The following CACNA2D1 variants were observed in gnomAD, a reference collection of about 807,000 sequenced individuals.
The protein encoded by CACNA2D1 is voltage-dependent calcium channel subunit alpha-2/delta-1.
CACNA2D1 carries 53 observed loss-of-function variants against 171.5 expected under a neutral mutation model. The observed-to-expected ratio is 0.31, with a 90% CI of 0.25 to 0.39. The LOEUF is 0.39. CACNA2D1 is among the 10% of genes least tolerant of loss of function. The pLI is 1.00. For synonymous variants in CACNA2D1, 442 were observed against 443.1 expected (o/e 1.00, Z 0.03); for missense variants, 903 against 1,299.8 (o/e 0.69, Z 4.69).
At chr7:82,030,262 AT>A (rs745674136) in intron 12 of CACNA2D1, among the ~76,000 whole-genome samples, 23 of 151,888 alleles carry the variant, frequency 1.5e-4, no homozygotes, top group Admixed American at 2.6e-4. Flanking sequence ...CAACTGAACA[AT>A]TTGTGAAAAT....
intron 3 of CACNA2D1, among the ~76,000 whole-genome samples, chr7:82,287,992 G>A (rs941113938): frequency 1.3e-4 from 15 of 112,194 alleles, no homozygotes; most frequent in African/African-American, 1.3e-4. Flanking sequence ...CACCATGCCC[G>A]GCTAATTTTT....
intron 3 of CACNA2D1, 61 bp from the exon 4 acceptor site, chr7:82,170,670 A>ACT (rs1584989909): frequency 6.9e-7 from 1 of 1,448,714 alleles, no homozygotes; most frequent in East Asian, 2.3e-5. Context: ...ATTGTTATAT[A>ACT]AAATGCTTGC....
intron 3 of CACNA2D1, among the ~76,000 whole-genome samples, chr7:82,233,792 A>G (rs892592530): frequency 6.6e-6 from 1 of 152,108 alleles, no homozygotes; most frequent in African/African-American, 2.4e-5. Context: ...TTAGTTCACT[A>G]CCATCTGTTT....
intron 14 of CACNA2D1, 68 bp downstream of exon 14, chr7:82,013,393 C>A: frequency 4.9e-6 from 3 of 612,138 alleles, no homozygotes; most frequent in South Asian, 5.6e-5. Flanking sequence ...CCATATTGAG[C>A]ATATTTAAAC....
chr7:82,392,269 T>C (rs779219501), intron 1 of CACNA2D1, among the ~76,000 whole-genome samples: 13 of 152,174 alleles, frequency 8.5e-5, no homozygotes, highest in South Asian at 2.1e-4. Context: ...TCCCCCATTA[T>C]GAGCTCATAA....
At chr7:82,253,082 G>C (rs189869423) in intron 3 of CACNA2D1, among the ~76,000 whole-genome samples, 2 of 152,294 alleles carry the variant, frequency 1.3e-5, no homozygotes, top group Non-Finnish European at 2.9e-5. Context: ...AACATTCAGG[G>C]AAATGGAAGT....
chr7:82,346,877 A>G (rs908969846), intron 2 of CACNA2D1, among the ~76,000 whole-genome samples: 1 of 152,228 alleles, frequency 6.6e-6, no homozygotes, highest in Non-Finnish European at 1.5e-5. Flanking sequence ...TGCTATTAAC[A>G]TATGTTCTAA....
intron 3 of CACNA2D1, among the ~76,000 whole-genome samples, chr7:82,316,766 G>T (rs1815176655): frequency 6.6e-6 from 1 of 152,150 alleles, no homozygotes; most frequent in African/African-American, 2.4e-5. Flanking sequence ...AGAAGCAAAG[G>T]CATGCCTTAC....
intron 3 of CACNA2D1, among the ~76,000 whole-genome samples, chr7:82,197,844 A>G (rs914002281): frequency 1.3e-5 from 2 of 151,946 alleles, no homozygotes; most frequent in African/African-American, 4.8e-5. Context: ...TGTTTTAATT[A>G]TATCTTATCT....
chr7:82,269,430 G>A (rs1808337249), intron 3 of CACNA2D1, among the ~76,000 whole-genome samples: 1 of 152,060 alleles, frequency 6.6e-6, no homozygotes, highest in Admixed American at 6.5e-5. Context: ...CCAGCCTCAT[G>A]TCTCACCATT....
chr7:81,966,460 T>C (rs564325709), intron 31 of CACNA2D1, among the ~76,000 whole-genome samples: 2 of 151,618 alleles, frequency 1.3e-5, no homozygotes, highest in East Asian at 3.9e-4. Context: ...TATTGGCTCA[T>C]AATTTCACAG....
intron 3 of CACNA2D1, among the ~76,000 whole-genome samples, chr7:82,319,364 T>C (rs971460130): frequency 6.6e-6 from 1 of 152,198 alleles, no homozygotes; most frequent in Non-Finnish European, 1.5e-5. Flanking sequence ...TTATACATTA[T>C]ATTCATCTTT....
rs1381470523 is a variant in CACNA2D1, at chr7:82,335,205, G to T, written c.224C>A (p.Ala75Glu). The change falls in exon 3 of 39, where the codon GCA becomes GAA. Residue 75 changes from alanine to glutamate, a missense_variant. Physicochemically the swap from Ala to Glu is moderately radical, Grantham distance 107. This residue lies in a region of CACNA2D1 where 189 missense variants were observed against 266.8 expected (regional missense o/e 0.71). Transcript: ENST00000356860. ...QDLYTVEPNNARQLVEIAARD... is the reference protein window; with the variant it reads ...QDLYTVEPNNERQLVEIAARD... ...GGCTGCAATTTCTACCAGCTGGCGT[G>T]CATTATTTGGTTCCACAGTATACAA... 6.2e-7 allele frequency: 1 copy of T among 1,612,858 alleles called. No individual in the cohort carries two copies. Among genetic ancestry groups the T allele is most frequent in the East Asian group, 2.2e-5 (1 of 44,842 alleles).
Position 82,005,517 on chromosome 7 carries a change from A to G in CACNA2D1, c.1516-20T>C. On this transcript the variant is annotated intron_variant, in intron 17 of 38. Transcript: ENST00000356860. ...GCACAGCTGGAAAAGAAAAAAAAAAAAAAGCTTGGATATGCCTGAGTCACA... is the reference window on the plus strand; with the variant it reads ...GCACAGCTGGAAAAGAAAAAAAAAAGAAAGCTTGGATATGCCTGAGTCACA... The G allele has an allele frequency of 2.6e-6, 4 of 1,526,476 alleles. No homozygotes were observed. Among genetic ancestry groups the G allele is most frequent in the Non-Finnish European group, 3.6e-6 (4 of 1,117,598 alleles). 94.6% of individuals were successfully genotyped at this position (1,526,476 alleles called of 1,614,324 possible).
intron 3 of CACNA2D1, among the ~76,000 whole-genome samples, chr7:82,223,474 TTC>T (rs1464861598): frequency 6.6e-6 from 1 of 152,204 alleles, no homozygotes; most frequent in Non-Finnish European, 1.5e-5. Flanking sequence ...TAATTTTCTT[TTC>T]TCTTTTACTT....
chr7:81,994,625 G>A (rs1363992561), intron 20 of CACNA2D1, among the ~76,000 whole-genome samples: 1 of 151,848 alleles, frequency 6.6e-6, no homozygotes, highest in East Asian at 1.9e-4. Flanking sequence ...TACTGTTAAT[G>A]TATAAGAAAA....
Position 82,105,068 on chromosome 7 carries a change from G to T in CACNA2D1, c.526+11976C>A, listed in dbSNP as rs1478637561. ...TAACTCCTCTAGAATTAAGTCCGAT[G>T]AAAAACACTGTCTTATTCTTTTTAA... On this transcript the variant is annotated intron_variant, in intron 6 of 38. Coordinates refer to ENST00000356860, the MANE Select transcript of CACNA2D1 (RefSeq NM_000722.4). Among the ~76,000 whole-genome samples the T allele has an allele frequency of 2.6e-5, 4 of 151,942 alleles. No individual in the cohort carries two copies. The East Asian group carries it at 7.7e-4, about 29-fold the overall frequency.
chr7:82,039,082 G>A (rs1430390833), intron 10 of CACNA2D1, among the ~76,000 whole-genome samples: 1 of 152,054 alleles, frequency 6.6e-6, no homozygotes, highest in Non-Finnish European at 1.5e-5. Flanking sequence ...AAGTTATTCA[G>A]GCTCTTGGCA....
chr7:82,074,407 T>A (rs1808706801), intron 7 of CACNA2D1, among the ~76,000 whole-genome samples: 2 of 152,066 alleles, frequency 1.3e-5, no homozygotes, highest in African/African-American at 4.8e-5. Context: ...TTTGTATTTT[T>A]AGTAGAGATG....
Sources: gnomAD v4.1 joint callset for allele counts (sites outside exome capture counted in the v4.1 genomes callset) on GRCh38, gnomAD v4.1.1 for gene constraint, gnomAD v4.1.1 regional missense constraint, MANE v1.5 for transcripts, NCBI Gene and HGNC (gene_info 2026-07-23, HGNC 2026-07-21) for gene names.